INPP5D: variants seen among roughly 807,000 people sequenced by gnomAD.
INPP5D encodes the protein phosphatidylinositol 3,4,5-trisphosphate 5-phosphatase 1.
Under a neutral mutation model 122.9 loss-of-function variants are expected in INPP5D, and 33 were observed. That is an observed-to-expected ratio of 0.27 (90% CI 0.20 to 0.36). The LOEUF (loss-of-function observed/expected upper bound fraction) is 0.36, where lower values mean the gene tolerates loss of function less well. Ranked by LOEUF, INPP5D falls within the 10% of genes least tolerant of loss-of-function variation. INPP5D has a pLI of 1.00. For synonymous variants in INPP5D, 584 were observed against 576.2 expected, an observed-to-expected ratio of 1.01 and a Z score of -0.19; for missense variants, 1,053 against 1,412.7, an observed-to-expected ratio of 0.75 and a Z score of 4.08.
At chr2:233,149,891 C>T (rs1203831854) in intron 9 of INPP5D, among the ~76,000 whole-genome samples, 1 of 152,172 alleles carries the variant, frequency 6.6e-6, no homozygotes, top group African/African-American at 2.4e-5. Flanking sequence ...ATATCATTGA[C>T]TGTCACCACC....
chr2:233,161,757 A>G lies in INPP5D; in HGVS notation c.1171A>G (p.Met391Val). The G allele has an allele frequency of 6.2e-7, 1 of 1,613,692 alleles. No homozygotes were observed. Among genetic ancestry groups the G allele is most frequent in the East Asian group, 2.2e-5 (1 of 44,866 alleles). The change falls in exon 11 of 27, where the codon ATG becomes GTG. Residue 391 changes from methionine (M) to valine (V), a missense_variant. Transcript: ENST00000445964. The part of the protein sequence containing the change: ...REGFCQLLQQ[M>V]KNKHSEQPEP... ...AGGCTTCTGCCAGCTCCTGCAGCAGATGAAGAACAAGCACTCAGAGCAGCC... is the reference window on the plus strand; with the variant it reads ...AGGCTTCTGCCAGCTCCTGCAGCAGGTGAAGAACAAGCACTCAGAGCAGCC...
intron 2 of INPP5D, among the ~76,000 whole-genome samples, chr2:233,104,582 G>A (rs979959065): frequency 2.0e-5 from 3 of 152,266 alleles, no homozygotes; most frequent in Admixed American, 1.3e-4. Flanking sequence ...AGGGATGGTC[G>A]TGGTCCTCAT....
intron 2 of INPP5D, among the ~76,000 whole-genome samples, chr2:233,101,615 T>A (rs1012026778): frequency 6.9e-6 from 1 of 144,430 alleles, no homozygotes; most frequent in African/African-American, 2.5e-5. Context: ...ATAATTATAA[T>A]ATATAATTAT....
chr2:233,137,228 A>G (rs1051220191), intron 5 of INPP5D, among the ~76,000 whole-genome samples: 38 of 5,648 alleles, frequency 6.7e-3, no homozygotes, highest in Non-Finnish European at 0.049. Context: ...GGCTTTATCT[A>G]GGTCACTCCA....
rs536998946 is a variant in INPP5D at position 233,197,863 on chromosome 2, C to T, written c.2694-232C>T. 4.6e-5 allele frequency among the ~76,000 whole-genome samples: 7 copies of T among 152,346 alleles called. No individual in the cohort carries two copies. Among genetic ancestry groups the T allele is most frequent in the African/African-American group, 1.4e-4 (6 of 41,580 alleles). Reference sequence around the variant, plus strand: ...AAGAACAGAGACCATGGCTGCCTCACTCACAGCCATATTCCCTCCTCCCGG... The same window carrying T: ...AAGAACAGAGACCATGGCTGCCTCATTCACAGCCATATTCCCTCCTCCCGG... On this transcript the variant is annotated intron_variant, in intron 24 of 26. Transcript: ENST00000445964. The surrounding 1 kb of genome is among the most constrained non-coding windows in gnomAD (Gnocchi z 4.4).
In INPP5D at chr2:233,189,032, GC is replaced by G. The variant is rs564572752; in HGVS notation, c.2359-814del. Among the ~76,000 whole-genome samples, 144 of 152,286 alleles carry G rather than the reference GC, an allele frequency of 9.5e-4. No homozygotes were observed. Among genetic ancestry groups the G allele is most frequent in the Middle Eastern group, 3.4e-3 (1 of 294 alleles). On this transcript the variant is annotated intron_variant, in intron 21 of 26. Coordinates refer to ENST00000445964, the MANE Select transcript of INPP5D (RefSeq NM_001017915.3). This position sits in a 1 kb window ranked among gnomAD's most constrained non-coding sequence, Gnocchi z 5.6. ...TGTATGGGAGTCATCGTGAGAAACA[GC>G]CCCACATCTGAAAAAGTCATAACTC...
At chr2:233,144,499 G>T (rs1163277402) in intron 6 of INPP5D, among the ~76,000 whole-genome samples, 1 of 151,410 alleles carries the variant, frequency 6.6e-6, no homozygotes, top group African/African-American at 2.4e-5. Context: ...GACTGGTAGG[G>T]GTGGAGATGG....
rs1026410134 is a variant in INPP5D, at chr2:233,204,692, G to C, written c.3542G>C (p.Gly1181Ala). ...CACCGGCCGGAGGAGGGGCCACCAG[G>C]GCCTCTAGGCAGGACTGCCATGCAG... Reference protein sequence around the residue: ...GKHRPEEGPPGPLGRTAMQ With the variant: ...GKHRPEEGPPAPLGRTAMQ The change falls in exon 26 of 27, where the codon GGG becomes GCG. Residue 1181 changes from glycine to alanine, a missense_variant. Coordinates refer to ENST00000445964, the MANE Select transcript of INPP5D (RefSeq NM_001017915.3). 1.7e-5 allele frequency: 27 copies of C among 1,550,472 alleles called. No individual in the cohort carries two copies. Among genetic ancestry groups the C allele is most frequent in the Non-Finnish European group, 2.2e-5 (25 of 1,151,132 alleles).
chr2:233,118,664 C>G (rs534054272), intron 2 of INPP5D, among the ~76,000 whole-genome samples: 7 of 152,188 alleles, frequency 4.6e-5, no homozygotes, highest in African/African-American at 1.7e-4. Flanking sequence ...TCCTGCGGGC[C>G]CACTGCACAC....
At chr2:233,158,705 C>T (rs1165846309) in intron 10 of INPP5D, among the ~76,000 whole-genome samples, 1 of 152,178 alleles carries the variant, frequency 6.6e-6, no homozygotes, top group East Asian at 1.9e-4. Flanking sequence ...CAGCCCCACA[C>T]CTGGGGGAAA....
chr2:233,179,436 C>A (rs1694728674), intron 18 of INPP5D, among the ~76,000 whole-genome samples: 1 of 152,228 alleles, frequency 6.6e-6, no homozygotes, highest in African/African-American at 2.4e-5. Flanking sequence ...TGTAGAATTA[C>A]CACTTACTGT....
At chr2:233,156,943 G>T (rs997190863) in intron 9 of INPP5D, among the ~76,000 whole-genome samples, 1 of 152,214 alleles carries the variant, frequency 6.6e-6, no homozygotes, top group African/African-American at 2.4e-5. Context: ...AAGGACAGCA[G>T]TCTCGGGTCT....
At chr2:233,129,997 G>T (rs901412596) in intron 4 of INPP5D, among the ~76,000 whole-genome samples, 1 of 152,138 alleles carries the variant, frequency 6.6e-6, no homozygotes, top group Admixed American at 6.5e-5. Flanking sequence ...TGCCTTCCGG[G>T]TTCAAATGAT....
intron 4 of INPP5D, among the ~76,000 whole-genome samples, chr2:233,127,797 G>A (rs1481832648): frequency 6.6e-6 from 1 of 152,100 alleles, no homozygotes; most frequent in East Asian, 1.9e-4. Context: ...TAGTAGAGAC[G>A]GGGTTTCTCC....
chr2:233,144,223 A>AGTGATG (rs1159116152), intron 6 of INPP5D, among the ~76,000 whole-genome samples: 2 of 97,586 alleles, frequency 2.0e-5, no homozygotes, highest in African/African-American at 4.0e-5. Context: ...AGGTGGTGGT[A>AGTGATG]GTGATGGTGA....
At chr2:233,129,421 G>C (rs1015609340) in intron 4 of INPP5D, among the ~76,000 whole-genome samples, 14 of 152,158 alleles carry the variant, frequency 9.2e-5, no homozygotes, top group Non-Finnish European at 1.9e-4. Context: ...ACACTCAAGC[G>C]TTACCCAGAA....
chr2:233,115,334 G>A (rs1392214527), intron 2 of INPP5D, among the ~76,000 whole-genome samples: 4 of 152,114 alleles, frequency 2.6e-5, no homozygotes, highest in African/African-American at 9.7e-5. Context: ...CCTGTTTCAC[G>A]CCTCATTTAG....
rs182631204 is a variant in INPP5D, at chr2:233,150,766, T to G, written c.1030+3172T>G. 2.9e-3 allele frequency among the ~76,000 whole-genome samples: 439 copies of G among 152,256 alleles called. 3 individuals are homozygous for G. The highest frequency in any genetic ancestry group is 5.4e-3 in the Non-Finnish European group (368 of 68,016). ...GCTGGCACATGGGCAGGTATTAGAA[T>G]GTGCTCCAGAGGGAGGTTAGTCCCG... On this transcript the variant is annotated intron_variant, in intron 9 of 26. Coordinates refer to ENST00000445964, the MANE Select transcript of INPP5D (RefSeq NM_001017915.3).
intron 5 of INPP5D, among the ~76,000 whole-genome samples, chr2:233,131,770 C>T (rs376658196): frequency 9.2e-5 from 14 of 152,246 alleles, no homozygotes; most frequent in African/African-American, 3.4e-4. Flanking sequence ...ATACTGGCAA[C>T]GGTTTTGTAG....
Sources: gnomAD v4.1 joint callset for allele counts (sites outside exome capture counted in the v4.1 genomes callset) on GRCh38, gnomAD v4.1.1 for gene constraint, Gnocchi (gnomAD v3.1) non-coding constraint, MANE v1.5 for transcripts, NCBI Gene and HGNC (gene_info 2026-07-23, HGNC 2026-07-21) for gene names.